Variants in CLASP1 observed in about 807,000 individuals in gnomAD.
CLASP1 encodes the protein CLIP-associating protein 1.
Under a neutral mutation model 192.3 loss-of-function variants are expected in CLASP1, and 38 were observed. The ratio of observed to expected loss-of-function variants is 0.20; its 90% CI spans 0.15 to 0.26. The LOEUF (loss-of-function observed/expected upper bound fraction) is 0.26, where lower values mean the gene tolerates loss of function less well. CLASP1 is among the 10% of genes least tolerant of loss of function. The pLI is 1.00. For synonymous variants in CLASP1, 691 were observed against 712.8 expected (o/e 0.97, Z 0.49); for missense variants, 1,433 against 1,932.5 (o/e 0.74, Z 4.85).
At chr2:121,529,443 T>A (rs115807830) in intron 3 of CLASP1, among the ~76,000 whole-genome samples, 6,203 of 152,324 alleles carry the variant, frequency 0.041, 439 homozygotes, top group African/African-American at 0.14. Flanking sequence ...AAGCTTTTTT[T>A]AAATTTGTAA....
chr2:121,492,056 T>C (rs536115657), intron 8 of CLASP1, among the ~76,000 whole-genome samples: 1 of 152,170 alleles, frequency 6.6e-6, no homozygotes, highest in Admixed American at 6.5e-5. Context: ...AAGAAAAAAA[T>C]AAATTGGACT....
intron 19 of CLASP1, among the ~76,000 whole-genome samples, chr2:121,443,259 T>C (rs1289929728): frequency 6.7e-6 from 1 of 149,970 alleles, no homozygotes; most frequent in Non-Finnish European, 1.5e-5. Flanking sequence ...CTGACCTTAC[T>C]CAGGACTGTG....
intron 9 of CLASP1, among the ~76,000 whole-genome samples, chr2:121,464,888 C>T (rs1327078688): frequency 6.6e-6 from 1 of 152,162 alleles, no homozygotes; most frequent in Non-Finnish European, 1.5e-5. Context: ...GTTGCCATTG[C>T]TTTTGGTGTT....
intron 37 of CLASP1, among the ~76,000 whole-genome samples, chr2:121,349,134 G>T (rs1426908599): frequency 6.6e-6 from 1 of 152,058 alleles, no homozygotes; most frequent in Non-Finnish European, 1.5e-5. Context: ...CAGCTACTCG[G>T]GAGGCTGAGG....
At chr2:121,399,662 C>T (rs909372219) in intron 28 of CLASP1, among the ~76,000 whole-genome samples, 6 of 152,178 alleles carry the variant, frequency 3.9e-5, no homozygotes, top group Admixed American at 1.3e-4. Flanking sequence ...ATATTAAAAA[C>T]GCTTTAGGCA....
chr2:121,627,071 C>A (rs536180050), intron 1 of CLASP1, among the ~76,000 whole-genome samples: 1 of 152,140 alleles, frequency 6.6e-6, no homozygotes, highest in East Asian at 1.9e-4. Flanking sequence ...TCAGTACATC[C>A]CATAGATGCC....
intron 1 of CLASP1, among the ~76,000 whole-genome samples, chr2:121,642,045 T>G (rs1006210346): frequency 2.0e-5 from 3 of 152,102 alleles, no homozygotes; most frequent in Non-Finnish European, 4.4e-5. Context: ...TCCCACTTAT[T>G]TGAATTTATC....
chr2:121,481,369 C>A (rs1209126094), intron 8 of CLASP1, among the ~76,000 whole-genome samples: 3 of 152,096 alleles, frequency 2.0e-5, no homozygotes, highest in Non-Finnish European at 2.9e-5. Flanking sequence ...GGTTAAACCA[C>A]CTTCTCTAGA....
intron 25 of CLASP1, 66 bp downstream of exon 26, chr2:121,407,405 C>G: frequency 6.4e-7 from 1 of 1,572,274 alleles, no homozygotes; most frequent in South Asian, 1.2e-5. Context: ...TAGGAAATCC[C>G]TTTAAACCCC....
At chr2:121,430,836 T>C (rs2081269339) in intron 19 of CLASP1, among the ~76,000 whole-genome samples, 1 of 152,170 alleles carries the variant, frequency 6.6e-6, no homozygotes, top group African/African-American at 2.4e-5. Context: ...AGAGAAATGA[T>C]GGCCCAAAGA....
chr2:121,614,393 G>C (rs2066119989), intron 1 of CLASP1, among the ~76,000 whole-genome samples: 1 of 152,190 alleles, frequency 6.6e-6, no homozygotes, highest in Non-Finnish European at 1.5e-5. Context: ...CTACTCAAGA[G>C]GCTGAGGCAG....
At chr2:121,457,630 A>C (rs1055022698) in intron 14 of CLASP1, 57 bp downstream of exon 14, 2 of 1,340,570 alleles carry the variant, frequency 1.5e-6, no homozygotes, top group African/African-American at 2.9e-5. Flanking sequence ...GGAGATTTGG[A>C]ATTTGTTTTG....
At chr2:121,474,933 G>A (rs1471002046) in intron 8 of CLASP1, among the ~76,000 whole-genome samples, 1 of 152,166 alleles carries the variant, frequency 6.6e-6, no homozygotes, top group East Asian at 1.9e-4. Context: ...ATTAAGCAAA[G>A]TAATGTTAAT....
At chr2:121,471,291 G>A (rs867889294) in intron 8 of CLASP1, among the ~76,000 whole-genome samples, 61 of 152,094 alleles carry the variant, frequency 4.0e-4, no homozygotes, top group African/African-American at 1.4e-3. Flanking sequence ...CGAGAAAAAA[G>A]AAACATCTTT....
At chr2:121,546,645 G>C (rs2057459993) in intron 2 of CLASP1, among the ~76,000 whole-genome samples, 1 of 151,850 alleles carries the variant, frequency 6.6e-6, no homozygotes, top group Non-Finnish European at 1.5e-5. Flanking sequence ...ACTCCACCAG[G>C]GTCTTCAGTC....
Position 121,503,511 on chromosome 2 carries a change from G to A in CLASP1, c.645-277C>T, listed in dbSNP as rs901629788. ...GGTGTGGGGTGGAGATTCTAGCCCTGAGAGTAGTAATCCAGAGCCCCTGCT... is the reference window on the plus strand; with the variant it reads ...GGTGTGGGGTGGAGATTCTAGCCCTAAGAGTAGTAATCCAGAGCCCCTGCT... On this transcript the variant is annotated intron_variant, in intron 7 of 39. Coordinates refer to ENST00000263710, the Ensembl canonical transcript of CLASP1. Among the ~76,000 whole-genome samples, 4 of 152,192 alleles carry A rather than the reference G, an allele frequency of 2.6e-5. No homozygotes were observed. In the South Asian group the frequency reaches 8.3e-4, roughly 32 times the overall value.
chr2:121,556,074 C>T (rs893330746), intron 2 of CLASP1, among the ~76,000 whole-genome samples: 5 of 146,788 alleles, frequency 3.4e-5, no homozygotes, highest in Non-Finnish European at 7.4e-5. Context: ...ACCTCTGCCT[C>T]CCAGGTTCAA....
At chr2:121,536,062 G>A (rs545614207) in intron 2 of CLASP1, among the ~76,000 whole-genome samples, 62 of 152,074 alleles carry the variant, frequency 4.1e-4, no homozygotes, top group Middle Eastern at 3.4e-3. Context: ...TAGAGTTGTT[G>A]TGGAAAATGG....
At chr2:121,435,270 CTTTTTCTT>C (rs919523948) in intron 19 of CLASP1, among the ~76,000 whole-genome samples, 34 of 152,168 alleles carry the variant, frequency 2.2e-4, no homozygotes, top group Admixed American at 9.2e-4. Context: ...ATTTTTACTT[CTTTTTCTT>C]TTTTTCTTTT....
Sources: gnomAD v4.1 joint callset for allele counts (sites outside exome capture counted in the v4.1 genomes callset) on GRCh38, gnomAD v4.1.1 for gene constraint, MANE v1.5 for transcripts, NCBI Gene and HGNC (gene_info 2026-07-23, HGNC 2026-07-21) for gene names.